Variants in AKIRIN1 observed in about 807,000 individuals in gnomAD.
AKIRIN1 encodes akirin-1.
In AKIRIN1, 4 loss-of-function variants were observed where a neutral mutation model predicts 25.9. The ratio of observed to expected loss-of-function variants is 0.15; its 90% confidence interval spans 0.08 to 0.35. AKIRIN1 has a LOEUF of 0.35. Among genes scored for constraint, AKIRIN1 ranks in the 10% least tolerant of loss-of-function variants. The pLI is 1.00. For synonymous variants in AKIRIN1, 125 were observed against 105.1 expected (o/e 1.19, Z -1.16); for missense variants, 243 against 266.1 (o/e 0.91, Z 0.61).
Position 38,991,580 on chromosome 1 carries a change from A to G in AKIRIN1, c.200A>G (p.Glu67Gly). 1 of 1,165,842 alleles carries G rather than the reference A, an allele frequency of 8.6e-7. No homozygotes were observed. Among genetic ancestry groups the G allele is most frequent in the Non-Finnish European group, 1.1e-6 (1 of 940,058 alleles). The allele number at this position is 1,165,842 out of a possible 1,614,324, so 72.2% of individuals were successfully genotyped here. The part of the protein sequence containing the change: ...SLQQPAPPGS[E>G]RRLPTPEQIF... ...CAGCAGCCCGCCCCGCCCGGCAGCG[A>G]GCGGCGCCTTCCAACTCCGGGTAAC... Residue 67 changes from glutamate (E) to glycine (G), a missense_variant, in exon 1 of 5, where the codon GAG becomes GGG. Around this residue, in one of 3 missense-constraint regions of AKIRIN1, gnomAD observed 190 missense variants for 174.4 expected, o/e 1.09. Coordinates refer to ENST00000432648, the MANE Select transcript of AKIRIN1 (RefSeq NM_024595.3).
intron 3 of AKIRIN1, 63 bp downstream of exon 3, chr1:39,001,169 A>C: frequency 6.5e-7 from 1 of 1,533,242 alleles, no homozygotes; most frequent in Non-Finnish European, 8.8e-7. Flanking sequence ...AACACCAGTT[A>C]AATAACTTAG....
intron 2 of AKIRIN1, among the ~76,000 whole-genome samples, chr1:39,000,301 C>T (rs12143624): frequency 0.34 from 50,519 of 150,644 alleles, 9,068 homozygotes; most frequent in Non-Finnish European, 0.4. Flanking sequence ...GAATTCAAAT[C>T]TTCTGTGAGT....
chr1:38,995,118 C>T (rs1455863719), intron 1 of AKIRIN1, among the ~76,000 whole-genome samples: 1 of 152,266 alleles, frequency 6.6e-6, no homozygotes, highest in African/African-American at 2.4e-5. Context: ...TGAGCCACTG[C>T]GCCTGGCTAG....
At chr1:38,991,919 G>A (rs1643909059) in intron 1 of AKIRIN1, among the ~76,000 whole-genome samples, 1 of 151,444 alleles carries the variant, frequency 6.6e-6, no homozygotes. Context: ...TCCTCCGCTG[G>A]CCGGGTCTGC....
At chr1:38,997,752 A>G (rs1643957925) in intron 1 of AKIRIN1, among the ~76,000 whole-genome samples, 1 of 152,114 alleles carries the variant, frequency 6.6e-6, no homozygotes, top group Non-Finnish European at 1.5e-5. Flanking sequence ...TTAATACCCT[A>G]GGTTGTGAAA....
chr1:39,005,299 C>T lies in AKIRIN1; in HGVS notation c.*1244C>T, dbSNP rs1387785992. 7.5e-6 allele frequency: 1 copy of T among 133,318 alleles called. No individual in the cohort carries two copies. Among genetic ancestry groups the T allele is most frequent in the Non-Finnish European group, 1.6e-5 (1 of 60,784 alleles). The allele number at this position is 133,318 out of a possible 1,614,324, so 8.3% of individuals were successfully genotyped here. ...CTCCAGCCTGGGCAACAAAACGAGA[C>T]TTCGTCTCAAAAAAAAAAAAAAAAC... On this transcript the variant is annotated 3_prime_UTR_variant, in exon 5 of 5. Transcript: ENST00000432648.
intron 2 of AKIRIN1, among the ~76,000 whole-genome samples, chr1:39,000,061 T>A (rs567503941): frequency 3.2e-4 from 49 of 152,060 alleles, no homozygotes; most frequent in Admixed American, 5.9e-4. Flanking sequence ...TTTTTGTATT[T>A]TTAGTAGAGG....
At position 39,004,562 on chromosome 1, in the gene AKIRIN1, GT is replaced by G; in HGVS notation, c.*508del. Reference sequence around the variant, plus strand: ...TTAATGTTTTGTGACCATACAAGTTGTAACAGTGGATTGTTTTTATGTGTAG... The same window carrying G: ...TTAATGTTTTGTGACCATACAAGTTGAACAGTGGATTGTTTTTATGTGTAG... On this transcript the variant is annotated 3_prime_UTR_variant, in exon 5 of 5. Transcript: ENST00000432648. 1 of 222,796 alleles carries G rather than the reference GT, an allele frequency of 4.5e-6. No homozygotes were observed. Among genetic ancestry groups the G allele is most frequent in the Non-Finnish European group, 9.1e-6 (1 of 110,286 alleles). 13.8% of individuals were successfully genotyped at this position (222,796 alleles called of 1,614,324 possible). A position where few individuals can be genotyped will look rare whatever the true frequency, so the allele number is the denominator to read the frequency against.
chr1:38,991,978 T>C (rs1643909497), intron 1 of AKIRIN1, among the ~76,000 whole-genome samples: 1 of 122,212 alleles, frequency 8.2e-6, no homozygotes, highest in African/African-American at 3.1e-5. Flanking sequence ...TGGATTCTAC[T>C]CACGAACCTG....
chr1:38,997,852 T>C (rs1456790210), intron 1 of AKIRIN1, among the ~76,000 whole-genome samples: 2 of 151,934 alleles, frequency 1.3e-5, no homozygotes, highest in African/African-American at 2.4e-5. Flanking sequence ...ACCATCCAGC[T>C]AACTGCAGAT....
chr1:38,993,168 G>A (rs561254159), intron 1 of AKIRIN1, among the ~76,000 whole-genome samples: 64 of 152,340 alleles, frequency 4.2e-4, no homozygotes, highest in African/African-American at 1.5e-3. Flanking sequence ...AAAGTATAAA[G>A]TGATGGGTTT....
intron 1 of AKIRIN1, among the ~76,000 whole-genome samples, chr1:38,997,299 C>G (rs1377845570): frequency 6.6e-6 from 1 of 152,086 alleles, no homozygotes; most frequent in Non-Finnish European, 1.5e-5. Context: ...CCTGGGCTCC[C>G]TTTAATAGTG....
At chr1:39,003,465 A>G (rs530568019) in intron 4 of AKIRIN1, 47 bp downstream of exon 4, 8 of 1,563,288 alleles carry the variant, frequency 5.1e-6, no homozygotes, top group African/African-American at 1.4e-5. Flanking sequence ...TTCAAGAGCA[A>G]AATTTCTACA....
Position 38,998,389 on chromosome 1 carries a change from T to G in AKIRIN1, c.361+78T>G, listed in dbSNP as rs373849434. On this transcript the variant is annotated intron_variant, in intron 2 of 4. Coordinates refer to ENST00000432648, the MANE Select transcript of AKIRIN1 (RefSeq NM_024595.3). ...TATAATGATGAATCTAGAATTGGCC[T>G]CCTCTAATGTAATAGAATTGCTAAC... is the stretch of plus-strand genomic sequence containing the variant. The G allele has an allele frequency of 4.0e-5, 56 of 1,415,402 alleles. No homozygotes were observed. In the African/African-American group the frequency reaches 5.7e-4, roughly 14 times the overall value. The allele number at this position is 1,415,402 out of a possible 1,614,324, so 87.7% of individuals were successfully genotyped here. A position where few individuals can be genotyped will look rare whatever the true frequency, so the allele number is the denominator to read the frequency against.
rs10528399 is a variant in AKIRIN1 at position 38,994,672 on chromosome 1, ATTTTTTTTTTTTTTTTTTTTTTTTTT to A, written c.220+3081_220+3106del. ...AGGCATGTGTCACTACGCTCGGCTA[ATTTTTTTTTTTTTTTTTTTTTTTTTT>A]TTTTTTTTGAGATGACGTTTCGCTC... On this transcript the variant is annotated intron_variant, in intron 1 of 4. Transcript: ENST00000432648. 4.7e-5 allele frequency among the ~76,000 whole-genome samples: 3 copies of A among 63,558 alleles called. No homozygotes were observed. The East Asian group carries it at 2.3e-3, about 49-fold the overall frequency. The allele number at this position is 63,558 out of a possible 152,430, so 41.7% of individuals were successfully genotyped here.
chr1:38,995,287 C>G (rs1297017413), intron 1 of AKIRIN1, among the ~76,000 whole-genome samples: 1 of 152,136 alleles, frequency 6.6e-6, no homozygotes, highest in Non-Finnish European at 1.5e-5. Flanking sequence ...GAGGCCACAT[C>G]TTGGAAAGTA....
rs1452950256 is a variant in AKIRIN1, at chr1:39,005,897, C to T, written c.*1842C>T. 6.6e-6 allele frequency: 1 copy of T among 152,000 alleles called. No individual in the cohort carries two copies. The highest frequency in any genetic ancestry group is 1.5e-5 in the Non-Finnish European group (1 of 68,024). 9.4% of individuals were successfully genotyped at this position (152,000 alleles called of 1,614,324 possible). A position where few individuals can be genotyped will look rare whatever the true frequency, so the allele number is the denominator to read the frequency against. On this transcript the variant is annotated 3_prime_UTR_variant, in exon 5 of 5. Coordinates refer to ENST00000432648, the MANE Select transcript of AKIRIN1 (RefSeq NM_024595.3). ...ATACTTAAGCTATTTGTTTACCTTGCCTTCTTAATACTGTGATAATGTTTA... is the reference window on the plus strand; with the variant it reads ...ATACTTAAGCTATTTGTTTACCTTGTCTTCTTAATACTGTGATAATGTTTA...
At chr1:38,999,740 A>G (rs1643974143) in intron 2 of AKIRIN1, among the ~76,000 whole-genome samples, 1 of 152,228 alleles carries the variant, frequency 6.6e-6, no homozygotes, top group Admixed American at 6.5e-5. Flanking sequence ...TAAGCAAAAA[A>G]TTGTTTCAGT....
Position 39,000,968 on chromosome 1 carries a change from C to T in AKIRIN1, c.362-4C>T, listed in dbSNP as rs1322771350. 3.1e-6 allele frequency: 5 copies of T among 1,606,108 alleles called. No homozygotes were observed. Among genetic ancestry groups the T allele is most frequent in the East Asian group, 2.2e-5 (1 of 44,700 alleles). ...GGCCCAAACTCACTTTTTCTTTTGG[C>T]CAGGTTCCTCATGGATGAAGAAGGA... On this transcript the variant is annotated splice_region_variant and splice_polypyrimidine_tract_variant and intron_variant, in intron 2 of 4. Transcript: ENST00000432648.
Sources: gnomAD v4.1 joint callset for allele counts (sites outside exome capture counted in the v4.1 genomes callset) on GRCh38, gnomAD v4.1.1 for gene constraint, gnomAD v4.1.1 regional missense constraint, MANE v1.5 for transcripts, NCBI Gene and HGNC (gene_info 2026-07-23, HGNC 2026-07-21) for gene names.